UBE2H: variants seen among roughly 807,000 people sequenced by gnomAD.
UBE2H encodes ubiquitin-conjugating enzyme E2 H.
UBE2H carries 3 observed loss-of-function variants against 29.0 expected under a neutral mutation model. That is an observed-to-expected ratio of 0.10 (90% confidence interval 0.05 to 0.27). The LOEUF is 0.27. Among genes scored for constraint, UBE2H ranks in the 10% least tolerant of loss-of-function variants. The pLI is 1.00. For missense variants in UBE2H, 68 were observed against 228.2 expected (o/e 0.30, Z 4.52); for synonymous variants, 69 against 82.9 (o/e 0.83, Z 0.91).
intron 1 of UBE2H, among the ~76,000 whole-genome samples, chr7:129,948,149 T>C (rs1807802149): frequency 6.6e-6 from 1 of 151,746 alleles, no homozygotes; most frequent in African/African-American, 2.4e-5. Context: ...CATAAGCCAC[T>C]GTGCCAGCTT....
Position 129,832,923 on chromosome 7 carries a change from C to T in UBE2H, c.*2014G>A, listed in dbSNP as rs993316634. ...AAAGTCAGCAGGTAAGCAAGTTAGA[C>T]AGTGCCAGCAGAGAGACCCTCCCTC... On this transcript the variant is annotated 3_prime_UTR_variant, in exon 7 of 7. Coordinates refer to ENST00000355621, the MANE Select transcript of UBE2H (RefSeq NM_003344.4). 1 of 152,130 alleles carries T rather than the reference C, an allele frequency of 6.6e-6. No individual in the cohort carries two copies. The highest frequency in any genetic ancestry group is 1.5e-5 in the Non-Finnish European group (1 of 68,034). 9.4% of individuals were successfully genotyped at this position (152,130 alleles called of 1,614,324 possible). A position where few individuals can be genotyped will look rare whatever the true frequency, so the allele number is the denominator to read the frequency against.
intron 1 of UBE2H, among the ~76,000 whole-genome samples, chr7:129,887,908 AAAAC>A (rs1297341469): frequency 2.0e-5 from 3 of 152,126 alleles, no homozygotes; most frequent in African/African-American, 7.2e-5. Flanking sequence ...AACAAAAGCA[AAAAC>A]AAAAAAACCA....
chr7:129,950,365 A>T (rs1807849375), intron 1 of UBE2H, among the ~76,000 whole-genome samples: 2 of 152,114 alleles, frequency 1.3e-5, no homozygotes, highest in African/African-American at 4.8e-5. Context: ...TCTTCTACTA[A>T]AAATAAGCTA....
chr7:129,842,997 A>ATTT (rs1214247554), intron 5 of UBE2H, among the ~76,000 whole-genome samples: 61 of 139,550 alleles, frequency 4.4e-4, no homozygotes, highest in African/African-American at 1.3e-3. Context: ...ATTAACAGTA[A>ATTT]TTTTTTTTTT....
intron 5 of UBE2H, among the ~76,000 whole-genome samples, chr7:129,850,011 AAC>A (rs1319373314): frequency 1.3e-5 from 2 of 152,170 alleles, no homozygotes; most frequent in Non-Finnish European, 2.9e-5. Flanking sequence ...AACAGGTGAA[AAC>A]ACCTCCGAAA....
intron 5 of UBE2H, among the ~76,000 whole-genome samples, chr7:129,844,824 T>C (rs924429257): frequency 5.1e-4 from 78 of 151,836 alleles, no homozygotes; most frequent in African/African-American, 1.9e-3. Flanking sequence ...ATAATTTATA[T>C]TCATATTTAC....
intron 1 of UBE2H, among the ~76,000 whole-genome samples, chr7:129,949,689 A>G (rs1381256030): frequency 6.6e-6 from 1 of 152,206 alleles, no homozygotes; most frequent in Non-Finnish European, 1.5e-5. Flanking sequence ...CGGTGTCTCC[A>G]AAAGAACCGA....
intron 1 of UBE2H, among the ~76,000 whole-genome samples, chr7:129,945,938 G>A (rs1807752644): frequency 6.6e-6 from 1 of 151,920 alleles, no homozygotes. Flanking sequence ...TAGAGATGGG[G>A]TTTCTTCACG....
chr7:129,948,049 G>A (rs926439515), intron 1 of UBE2H, among the ~76,000 whole-genome samples: 5 of 152,072 alleles, frequency 3.3e-5, no homozygotes, highest in Non-Finnish European at 5.9e-5. Flanking sequence ...AAGTACATAC[G>A]GGGTTTTGCC....
chr7:129,937,983 T>G (rs1188805009), intron 1 of UBE2H, among the ~76,000 whole-genome samples: 1 of 152,170 alleles, frequency 6.6e-6, no homozygotes, highest in East Asian at 1.9e-4. Flanking sequence ...TTTAGTGTGC[T>G]TAAGTACACT....
chr7:129,910,964 G>A (rs988979743), intron 1 of UBE2H, among the ~76,000 whole-genome samples: 23 of 152,236 alleles, frequency 1.5e-4, no homozygotes, highest in African/African-American at 5.3e-4. Context: ...CTAGATGCAG[G>A]GAGCCCTGAA....
chr7:129,897,484 G>A (rs929144044), intron 1 of UBE2H, among the ~76,000 whole-genome samples: 5 of 152,080 alleles, frequency 3.3e-5, no homozygotes, highest in East Asian at 1.9e-4. Flanking sequence ...ATTTAACCTT[G>A]ATTTCATAAA....
chr7:129,878,858 C>A (rs367772759), intron 3 of UBE2H, among the ~76,000 whole-genome samples: 108 of 144,680 alleles, frequency 7.5e-4, no homozygotes, highest in African/African-American at 1.5e-3. Context: ...TAAAGTGAAG[C>A]AAAAAAAAAA....
chr7:129,837,604 C>T (rs1003804794), intron 6 of UBE2H, among the ~76,000 whole-genome samples: 23 of 103,296 alleles, frequency 2.2e-4, no homozygotes, highest in South Asian at 1.2e-3. Context: ...AGGAAGACTG[C>T]ATTGGGAGGG....
intron 3 of UBE2H, among the ~76,000 whole-genome samples, chr7:129,872,216 C>T (rs527497637): frequency 6.6e-5 from 10 of 152,040 alleles, no homozygotes; most frequent in Non-Finnish European, 1.2e-4. Context: ...AAATGACTAA[C>T]CTGAAACCTC....
chr7:129,927,714 C>G (rs1389833292), intron 1 of UBE2H, among the ~76,000 whole-genome samples: 1 of 152,052 alleles, frequency 6.6e-6, no homozygotes, highest in Non-Finnish European at 1.5e-5. Context: ...AAAGCAGGCA[C>G]GCAAAGACAT....
At chr7:129,905,479 G>C (rs947900591) in intron 1 of UBE2H, among the ~76,000 whole-genome samples, 1 of 152,182 alleles carries the variant, frequency 6.6e-6, no homozygotes, top group Non-Finnish European at 1.5e-5. Flanking sequence ...TGGTTTTCCA[G>C]TTGTACCTTT....
intron 5 of UBE2H, among the ~76,000 whole-genome samples, chr7:129,855,894 T>C (rs1034471521): frequency 2.0e-5 from 3 of 152,238 alleles, no homozygotes; most frequent in Middle Eastern, 3.4e-3. Context: ...GCAACTCTGT[T>C]TCTATGTATT....
intron 1 of UBE2H, among the ~76,000 whole-genome samples, chr7:129,904,572 C>T (rs1284829852): frequency 1.3e-5 from 2 of 152,180 alleles, no homozygotes; most frequent in Non-Finnish European, 2.9e-5. Flanking sequence ...TTTATATCCT[C>T]CCTCACCTCG....
Sources: allele counts gnomAD v4.1 joint callset (sites outside exome capture counted in the v4.1 genomes callset), GRCh38; gene constraint gnomAD v4.1.1; transcripts MANE v1.5; gene names NCBI Gene and HGNC (gene_info 2026-07-23, HGNC 2026-07-21).